The following TMEM132D variants were observed in gnomAD, a reference collection of about 807,000 sequenced individuals.
The protein encoded by TMEM132D is mature OL transmembrane protein.
A neutral mutation model predicts 62.3 loss-of-function variants in TMEM132D; 21 were observed. The ratio of observed to expected loss-of-function variants is 0.34; its 90% confidence interval spans 0.24 to 0.49. The LOEUF (loss-of-function observed/expected upper bound fraction) is 0.49, where lower values mean the gene tolerates loss of function less well. Among genes scored for constraint, TMEM132D ranks in the 20% least tolerant of loss-of-function variants. TMEM132D has a pLI of 0.99. For missense variants in TMEM132D, 1,346 were observed against 1,402.8 expected (o/e 0.96, Z 0.65); for synonymous variants, 621 against 575.6 (o/e 1.08, Z -1.13).
intron 5 of TMEM132D, among the ~76,000 whole-genome samples, chr12:129,115,269 C>T (rs1297822880): frequency 6.6e-6 from 1 of 152,216 alleles, no homozygotes. Context: ...CATGATCTGG[C>T]TCCTGCTGGG....
At chr12:129,138,428 A>G (rs1025943560) in intron 5 of TMEM132D, among the ~76,000 whole-genome samples, 1 of 152,164 alleles carries the variant, frequency 6.6e-6, no homozygotes, top group Non-Finnish European at 1.5e-5. Context: ...TGCAAGAAAG[A>G]TGGCTAGGAC....
At chr12:129,190,884 G>A (rs555327516) in intron 5 of TMEM132D, among the ~76,000 whole-genome samples, 2 of 152,266 alleles carry the variant, frequency 1.3e-5, no homozygotes, top group East Asian at 3.9e-4. Flanking sequence ...GCAGCCCAGA[G>A]CTCTTGCTGT....
chr12:129,275,817 A>G (rs1880990268), intron 4 of TMEM132D, among the ~76,000 whole-genome samples: 1 of 152,214 alleles, frequency 6.6e-6, no homozygotes, highest in Non-Finnish European at 1.5e-5. Context: ...CCCAGAAATA[A>G]GAGAGAATAA....
intron 3 of TMEM132D, among the ~76,000 whole-genome samples, chr12:129,428,824 A>G (rs1257155057): frequency 1.3e-5 from 2 of 152,198 alleles, no homozygotes; most frequent in Admixed American, 1.3e-4. Context: ...GCGAGAGGGG[A>G]CCAGGGAAAA....
chr12:129,281,223 C>T (rs1395243303), intron 4 of TMEM132D, among the ~76,000 whole-genome samples: 1 of 151,988 alleles, frequency 6.6e-6, no homozygotes, highest in Non-Finnish European at 1.5e-5. Flanking sequence ...GAATACATAC[C>T]CAACGGATGC....
intron 3 of TMEM132D, among the ~76,000 whole-genome samples, chr12:129,394,533 G>A (rs757017953): frequency 1.3e-5 from 2 of 152,202 alleles, no homozygotes; most frequent in Non-Finnish European, 2.9e-5. Flanking sequence ...TCCTGTGAGA[G>A]GTAGAATAAA....
intron 2 of TMEM132D, among the ~76,000 whole-genome samples, chr12:129,539,829 C>T (rs1446433764): frequency 6.6e-6 from 1 of 152,124 alleles, no homozygotes; most frequent in East Asian, 1.9e-4. Context: ...TTTTCTCTAC[C>T]AGCTCAAGAG....
intron 5 of TMEM132D, among the ~76,000 whole-genome samples, chr12:129,128,703 T>C (rs960739478): frequency 6.6e-6 from 1 of 152,110 alleles, no homozygotes; most frequent in Non-Finnish European, 1.5e-5. Context: ...ACTCAAACGG[T>C]GAACGCTGTA....
chr12:129,264,448 G>A (rs1880633957), intron 4 of TMEM132D, among the ~76,000 whole-genome samples: 3 of 152,160 alleles, frequency 2.0e-5, no homozygotes, highest in Admixed American at 1.3e-4. Flanking sequence ...TGTGATCAGG[G>A]AACACTTCTA....
At chr12:129,273,435 C>CAA (rs36073067) in intron 4 of TMEM132D, among the ~76,000 whole-genome samples, 22 of 113,794 alleles carry the variant, frequency 1.9e-4, no homozygotes, top group Non-Finnish European at 3.0e-4. Flanking sequence ...ATCAGCCTGT[C>CAA]AAAAAAAAAA....
At chr12:129,576,757 C>G (rs1004922740) in intron 2 of TMEM132D, among the ~76,000 whole-genome samples, 1 of 151,794 alleles carries the variant, frequency 6.6e-6, no homozygotes, top group African/African-American at 2.4e-5. Flanking sequence ...GGTAGCCTCA[C>G]CAGTAACAAA....
intron 2 of TMEM132D, among the ~76,000 whole-genome samples, chr12:129,650,523 A>G (rs1347037255): frequency 6.6e-6 from 1 of 152,208 alleles, no homozygotes; most frequent in Non-Finnish European, 1.5e-5. Flanking sequence ...AATTTACTAC[A>G]CAATGCCAAA....
At chr12:129,254,925 T>C (rs1272860160) in intron 4 of TMEM132D, among the ~76,000 whole-genome samples, 1 of 152,196 alleles carries the variant, frequency 6.6e-6, no homozygotes, top group Non-Finnish European at 1.5e-5. Context: ...CATGTCAAGT[T>C]GTAATCCCCA....
At position 129,220,687 on chromosome 12, in the gene TMEM132D, C is replaced by T. The variant is rs78626458; in HGVS notation, c.1300-11024G>A. 9.1e-3 allele frequency among the ~76,000 whole-genome samples: 1,378 copies of T among 152,214 alleles called. 37 individuals carry two copies. Among genetic ancestry groups the T allele is most frequent in the Admixed American group, 0.059 (902 of 15,278 alleles). The stretch of plus-strand genomic sequence containing the variant: ...CTCTATGCTTCACCCCATCTCCCAG[C>T]GACATAAAGAAATGGTACCTTGTAA... On this transcript the variant is annotated intron_variant, in intron 4 of 8. Coordinates refer to ENST00000422113, the MANE Select transcript of TMEM132D (RefSeq NM_133448.3).
rs145235103 is a variant in TMEM132D at position 129,459,218 on chromosome 12, G to A, written c.1115+71841C>T. On this transcript the variant is annotated intron_variant, in intron 3 of 8. Coordinates refer to ENST00000422113, the MANE Select transcript of TMEM132D (RefSeq NM_133448.3). ...GAGGGCAGAGTGAGGCCTGGTAATC[G>A]CTGGACTTTCATGAGAGGAGCCTGT... 9.2e-5 allele frequency among the ~76,000 whole-genome samples: 14 copies of A among 152,252 alleles called. No individual in the cohort carries two copies. The East Asian group carries it at 2.1e-3, about 23-fold the overall frequency.
At chr12:129,816,721 C>G (rs938206246) in intron 1 of TMEM132D, among the ~76,000 whole-genome samples, 3 of 152,162 alleles carry the variant, frequency 2.0e-5, no homozygotes, top group Admixed American at 1.3e-4. Flanking sequence ...ACGTGTGTCA[C>G]GGACTTATTG....
rs568207523 is a variant in TMEM132D, at chr12:129,464,731, C to T, written c.1115+66328G>A. ...CAGCACCATTTATTAAATAGGGAAT[C>T]CTTTCCTCATTGCTTGTTTTTCTCG... is the stretch of plus-strand genomic sequence containing the variant. On this transcript the variant is annotated intron_variant, in intron 3 of 8. Coordinates refer to ENST00000422113, the MANE Select transcript of TMEM132D (RefSeq NM_133448.3). Among the ~76,000 whole-genome samples, 185 of 152,216 alleles carry T rather than the reference C, an allele frequency of 1.2e-3. 1 individual carries two copies. Among genetic ancestry groups the T allele is most frequent in the African/African-American group, 3.9e-3 (161 of 41,546 alleles).
intron 4 of TMEM132D, among the ~76,000 whole-genome samples, chr12:129,278,556 G>GAAC (rs1392366860): frequency 2.6e-5 from 4 of 152,136 alleles, no homozygotes; most frequent in African/African-American, 9.7e-5. Flanking sequence ...ACTCTTGACT[G>GAAC]TCTAGGGCCA....
chr12:129,799,240 G>A (rs11060559), intron 1 of TMEM132D, among the ~76,000 whole-genome samples: 94,421 of 151,822 alleles, frequency 0.62, 30,479 homozygotes, highest in Non-Finnish European at 0.73. Context: ...ACTCCAGCCT[G>A]GGCACACTCC....
Sources: allele counts gnomAD v4.1 joint callset (sites outside exome capture counted in the v4.1 genomes callset), GRCh38; gene constraint gnomAD v4.1.1; transcripts MANE v1.5; gene names NCBI Gene and HGNC (gene_info 2026-07-23, HGNC 2026-07-21).